The following AGBL1 variants were observed in gnomAD, a reference collection of about 807,000 sequenced individuals.
The protein encoded by AGBL1 is AGBL carboxypeptidase 1.
Under a neutral mutation model 118.9 loss-of-function variants are expected in AGBL1, and 130 were observed. The ratio of observed to expected loss-of-function variants is 1.09; its 90% confidence interval spans 0.95 to 1.26. The LOEUF (loss-of-function observed/expected upper bound fraction) is 1.26. Ranked by LOEUF, AGBL1 falls within the 50% of genes most tolerant of loss-of-function variation. The probability of loss-of-function intolerance (pLI) is 0.00; values close to 1 mark genes in which losing one functional copy is unlikely to be tolerated. For synonymous variants in AGBL1, 555 were observed against 478.9 expected, an observed-to-expected ratio of 1.16 and a Z score of -2.08; for missense variants, 1,584 against 1,298.1, an observed-to-expected ratio of 1.22 and a Z score of -3.38.
At chr15:86,307,700 G>T (rs890834205) in intron 17 of AGBL1, among the ~76,000 whole-genome samples, 2 of 151,942 alleles carry the variant, frequency 1.3e-5, no homozygotes, top group Non-Finnish European at 2.9e-5. Context: ...CTAGGAGTTT[G>T]AGTCTAGTCT....
At chr15:86,893,897 T>G (rs2080086128) in intron 22 of AGBL1, among the ~76,000 whole-genome samples, 1 of 152,152 alleles carries the variant, frequency 6.6e-6, no homozygotes, top group African/African-American at 2.4e-5. Flanking sequence ...AGAAAAACAA[T>G]AAGATTCCCA....
rs111727492 is a variant in AGBL1, at chr15:86,195,677, A to C, written c.489-29237A>C. On this transcript the variant is annotated intron_variant, in intron 5 of 22. Coordinates refer to ENST00000614907, the MANE Select transcript of AGBL1 (RefSeq NM_001386094.1). Reference sequence around the variant, plus strand: ...ATCCTGTCACTCTCAGTGTTCACCAATAAATGTCCATATAGCATTTTTTAT... The same window carrying C: ...ATCCTGTCACTCTCAGTGTTCACCACTAAATGTCCATATAGCATTTTTTAT... 2.6e-5 allele frequency among the ~76,000 whole-genome samples: 4 copies of C among 152,330 alleles called. No individual in the cohort carries two copies. In the South Asian group the frequency reaches 8.3e-4, roughly 32 times the overall value.
At chr15:86,533,949 C>G (rs1394105608) in intron 19 of AGBL1, among the ~76,000 whole-genome samples, 10 of 79,678 alleles carry the variant, frequency 1.3e-4, no homozygotes, top group Non-Finnish European at 4.6e-5. Context: ...ATATCACACT[C>G]TGGGGACTGT....
chr15:86,463,218 T>C (rs1457956452), intron 18 of AGBL1, among the ~76,000 whole-genome samples: 1 of 152,198 alleles, frequency 6.6e-6, no homozygotes, highest in Non-Finnish European at 1.5e-5. Context: ...ATGTGCTTTT[T>C]TGCTGCATAA....
At chr15:86,119,362 G>T (rs28631697) in intron 1 of AGBL1, among the ~76,000 whole-genome samples, 6,728 of 151,658 alleles carry the variant, frequency 0.044, 491 homozygotes, top group African/African-American at 0.15. Context: ...GCACACCTCA[G>T]TTCACTTTTC....
At chr15:86,802,353 T>C (rs1001154754) in intron 22 of AGBL1, among the ~76,000 whole-genome samples, 5 of 152,090 alleles carry the variant, frequency 3.3e-5, no homozygotes, top group Admixed American at 1.3e-4. Context: ...TGATTCACCA[T>C]TGTAACCCCA....
chr15:86,804,535 A>C (rs1462361087), intron 22 of AGBL1, among the ~76,000 whole-genome samples: 1 of 152,182 alleles, frequency 6.6e-6, no homozygotes, highest in Non-Finnish European at 1.5e-5. Context: ...GGAAAAATGC[A>C]AAATGGAAGG....
At chr15:86,969,541 A>G (rs1267485975) in intron 23 of AGBL1, among the ~76,000 whole-genome samples, 6 of 152,026 alleles carry the variant, frequency 3.9e-5, no homozygotes, top group Admixed American at 3.9e-4. Context: ...AAGTGTATTC[A>G]TCAGTCTGCA....
intron 23 of AGBL1, among the ~76,000 whole-genome samples, chr15:86,969,551 A>C (rs1047791110): frequency 7.9e-5 from 12 of 152,052 alleles, no homozygotes; most frequent in African/African-American, 2.9e-4. Context: ...ATCAGTCTGC[A>C]TGTGGGTGTT....
intron 22 of AGBL1, among the ~76,000 whole-genome samples, chr15:86,709,438 A>T (rs2086514533): frequency 6.6e-6 from 1 of 152,124 alleles, no homozygotes; most frequent in Non-Finnish European, 1.5e-5. Context: ...GAGATCTACT[A>T]ATCAATACAT....
At chr15:86,486,646 C>T (rs1385971034) in intron 18 of AGBL1, among the ~76,000 whole-genome samples, 3 of 152,058 alleles carry the variant, frequency 2.0e-5, no homozygotes, top group Admixed American at 1.3e-4. Flanking sequence ...GATGAAATTA[C>T]CTTTATTATA....
chr15:86,846,434 C>A (rs531518395), intron 22 of AGBL1, among the ~76,000 whole-genome samples: 2 of 152,256 alleles, frequency 1.3e-5, no homozygotes, highest in South Asian at 4.1e-4. Context: ...TGGCAGTGAA[C>A]ATTTTGGTTA....
rs1026569361 is a variant in AGBL1, at chr15:86,344,292, T to G, written c.2374+48884T>G. Reference sequence around the variant, plus strand: ...GATGAGACAATGAATGGCAGCAGCGTTCTTTTCCAAAGCTTCCTTTGGGAG... The same window carrying G: ...GATGAGACAATGAATGGCAGCAGCGGTCTTTTCCAAAGCTTCCTTTGGGAG... On this transcript the variant is annotated intron_variant, in intron 17 of 22. Transcript: ENST00000614907. Among the ~76,000 whole-genome samples, 4 of 152,178 alleles carry G rather than the reference T, an allele frequency of 2.6e-5. No individual in the cohort carries two copies. The East Asian group carries it at 7.7e-4, about 29-fold the overall frequency.
chr15:86,599,010 T>C (rs2084450976), intron 21 of AGBL1, among the ~76,000 whole-genome samples: 7 of 152,104 alleles, frequency 4.6e-5, no homozygotes, highest in Admixed American at 4.6e-4. Context: ...AGGGTGAGGT[T>C]GAAATAGATT....
chr15:86,798,577 C>G (rs189430191), intron 22 of AGBL1, among the ~76,000 whole-genome samples: 32 of 151,910 alleles, frequency 2.1e-4, no homozygotes, highest in Admixed American at 1.4e-3. Flanking sequence ...GACACTTTAC[C>G]TGGCATAATT....
chr15:86,355,099 G>A (rs1247761714), intron 17 of AGBL1, among the ~76,000 whole-genome samples: 1 of 152,168 alleles, frequency 6.6e-6, no homozygotes, highest in East Asian at 1.9e-4. Flanking sequence ...CCCAGGCCAG[G>A]TGACTTTTTG....
intron 23 of AGBL1, among the ~76,000 whole-genome samples, chr15:86,927,004 TGGTG>T (rs568802178): frequency 9.4e-4 from 143 of 152,008 alleles, no homozygotes; most frequent in Non-Finnish European, 1.6e-3. Context: ...CCTGGTGTGG[TGGTG>T]GGCGCCTGTA....
rs1255396287 is a variant in AGBL1, at chr15:86,404,816, G to A, written c.2555+7270G>A. 2.0e-5 allele frequency among the ~76,000 whole-genome samples: 3 copies of A among 152,300 alleles called. No homozygotes were observed. The East Asian group carries it at 5.8e-4, about 29-fold the overall frequency. ...CATGTTCACTATAAGCCATGCTGCT[G>A]GTACCCATGAAGGCTTCTTTGTGGA... On this transcript the variant is annotated intron_variant, in intron 18 of 22. Coordinates refer to ENST00000614907, the MANE Select transcript of AGBL1 (RefSeq NM_001386094.1).
At chr15:86,213,032 C>T (rs868134047) in intron 5 of AGBL1, among the ~76,000 whole-genome samples, 8 of 152,284 alleles carry the variant, frequency 5.3e-5, no homozygotes, top group Middle Eastern at 3.4e-3. Flanking sequence ...TTCTGGGAAT[C>T]ATAAATCCTG....
Sources: gnomAD v4.1 joint callset for allele counts (sites outside exome capture counted in the v4.1 genomes callset) on GRCh38, gnomAD v4.1.1 for gene constraint, MANE v1.5 for transcripts, NCBI Gene and HGNC (gene_info 2026-07-23, HGNC 2026-07-21) for gene names.